STK35: variants seen among roughly 807,000 people sequenced by gnomAD.
STK35 encodes serine/threonine-protein kinase 35.
Under a neutral mutation model 37.3 loss-of-function variants are expected in STK35, and 17 were observed. That is an observed-to-expected ratio of 0.46 (90% CI 0.31 to 0.68). The LOEUF is 0.68. STK35 is among the 30% of genes least tolerant of loss of function. The probability of loss-of-function intolerance (pLI) is 0.05; values close to 1 mark genes in which losing one functional copy is unlikely to be tolerated. For missense variants in STK35, 595 were observed against 746.7 expected (o/e 0.80, Z 2.37); for synonymous variants, 385 against 319.1 (o/e 1.21, Z -2.20).
chr20:2,107,469 C>T (rs1216568263), intron 2 of STK35, among the ~76,000 whole-genome samples: 2 of 152,180 alleles, frequency 1.3e-5, no homozygotes, highest in Admixed American at 1.3e-4. Flanking sequence ...TGGCTTTGAG[C>T]CAGGCTACTA....
At chr20:2,113,121 G>A (rs1383406030) in intron 2 of STK35, among the ~76,000 whole-genome samples, 1 of 151,996 alleles carries the variant, frequency 6.6e-6, no homozygotes, top group Non-Finnish European at 1.5e-5. Context: ...GTGTCTTTTT[G>A]GAACTTGTGT....
intron 3 of STK35, among the ~76,000 whole-genome samples, chr20:2,140,324 A>T (rs1232134091): frequency 6.6e-6 from 1 of 152,086 alleles, no homozygotes; most frequent in Non-Finnish European, 1.5e-5. Context: ...GCAGTCAGGG[A>T]GCTGAGATGT....
chr20:2,115,897 C>A (rs192355301), intron 2 of STK35, among the ~76,000 whole-genome samples: 6 of 152,116 alleles, frequency 3.9e-5, no homozygotes, highest in Admixed American at 3.9e-4. Context: ...CCACTCCTGC[C>A]CCCCCCTTCA....
chr20:2,125,641 C>T lies in STK35; in HGVS notation c.*37+8226C>T, dbSNP rs530735882. On this transcript the variant is annotated intron_variant, in intron 3 of 3. Transcript: ENST00000381482. ...TCACAGTCTGACACTGGTTTCAGCA[C>T]AGGCACACTGTGGCAGGGCCACCAG... Among the ~76,000 whole-genome samples the T allele has an allele frequency of 1.6e-4, 25 of 152,352 alleles. No homozygotes were observed. The South Asian group carries it at 5.0e-3, about 30-fold the overall frequency.
chr20:2,133,718 C>A (rs1383698688), intron 3 of STK35, among the ~76,000 whole-genome samples: 1 of 152,218 alleles, frequency 6.6e-6, no homozygotes, highest in Non-Finnish European at 1.5e-5. Context: ...CCTACTGTTT[C>A]TCTGTGTGCA....
At chr20:2,106,104 T>A (rs1033194096) in intron 2 of STK35, among the ~76,000 whole-genome samples, 3 of 152,198 alleles carry the variant, frequency 2.0e-5, no homozygotes, top group Admixed American at 1.3e-4. Context: ...TAGGTAATCA[T>A]TTTTGCTTCT....
At chr20:2,130,624 C>T (rs1324870977) in intron 3 of STK35, among the ~76,000 whole-genome samples, 2 of 152,122 alleles carry the variant, frequency 1.3e-5, no homozygotes, top group South Asian at 4.1e-4. Flanking sequence ...ACATCAGAGT[C>T]ATGATTGCTG....
intron 3 of STK35, among the ~76,000 whole-genome samples, chr20:2,129,144 G>A (rs565113631): frequency 1.3e-5 from 2 of 152,156 alleles, no homozygotes; most frequent in Non-Finnish European, 2.9e-5. Flanking sequence ...TCTTAAACAT[G>A]ACTTTGAATT....
At chr20:2,138,937 G>A (rs932245649) in intron 3 of STK35, among the ~76,000 whole-genome samples, 3 of 152,320 alleles carry the variant, frequency 2.0e-5, no homozygotes, top group East Asian at 1.9e-4. Flanking sequence ...TGAGGCAGGA[G>A]GGTTGTTGAG....
chr20:2,121,450 G>A (rs1600608756), intron 3 of STK35, among the ~76,000 whole-genome samples: 2 of 152,156 alleles, frequency 1.3e-5, no homozygotes, highest in South Asian at 4.1e-4. Context: ...GAAGAATAGA[G>A]CTGCCATTAA....
intron 3 of STK35, among the ~76,000 whole-genome samples, chr20:2,123,106 C>T (rs2122562434): frequency 6.6e-6 from 1 of 152,304 alleles, no homozygotes; most frequent in South Asian, 2.1e-4. Flanking sequence ...AGGGAATCTG[C>T]ATTCATGGCC....
At chr20:2,108,747 C>T (rs1346883379) in intron 2 of STK35, among the ~76,000 whole-genome samples, 1 of 152,056 alleles carries the variant, frequency 6.6e-6, no homozygotes, top group African/African-American at 2.4e-5. Flanking sequence ...CAGAAGCAGC[C>T]CTTCCTTAAT....
intron 3 of STK35, among the ~76,000 whole-genome samples, chr20:2,121,710 A>G (rs928847228): frequency 6.6e-6 from 1 of 152,182 alleles, no homozygotes; most frequent in Non-Finnish European, 1.5e-5. Flanking sequence ...GAGGATGGGA[A>G]GAAAGAAAGG....
intron 2 of STK35, among the ~76,000 whole-genome samples, chr20:2,114,382 T>C (rs1228106020): frequency 6.6e-6 from 1 of 152,132 alleles, no homozygotes; most frequent in African/African-American, 2.4e-5. Context: ...AGTTGGAGGC[T>C]ACTGTGAGCT....
intron 3 of STK35, among the ~76,000 whole-genome samples, chr20:2,128,108 T>C (rs1985937521): frequency 6.6e-6 from 1 of 152,142 alleles, no homozygotes; most frequent in Non-Finnish European, 1.5e-5. Context: ...TAGAAACACG[T>C]ATTTCTGGCT....
Position 2,104,035 on chromosome 20 carries a change from C to T in STK35, c.892+670C>T, listed in dbSNP as rs1985465081. On this transcript the variant is annotated intron_variant, in intron 2 of 3. Coordinates refer to ENST00000381482, the MANE Select transcript of STK35 (RefSeq NM_080836.4). ...TCCGGCATCTTTTCCCTCCGTTTTA[C>T]ATTCTTAATCTTTTTCTTAACCTCA... Among the ~76,000 whole-genome samples the T allele has an allele frequency of 2.0e-5, 3 of 152,220 alleles. No homozygotes were observed. In the South Asian group the frequency reaches 6.2e-4, roughly 31 times the overall value.
chr20:2,121,902 A>G (rs1461399893), intron 3 of STK35, among the ~76,000 whole-genome samples: 1 of 152,174 alleles, frequency 6.6e-6, no homozygotes, highest in Non-Finnish European at 1.5e-5. Flanking sequence ...GGGGAAGAGG[A>G]GAGGAATTGG....
In STK35 at chr20:2,116,713, G is replaced by A. The variant is rs1985723366; in HGVS notation, c.940G>A (p.Val314Ile). The A allele has an allele frequency of 6.2e-7, 1 of 1,614,100 alleles. No homozygotes were observed. Among genetic ancestry groups the A allele is most frequent in the South Asian group, 1.1e-5 (1 of 91,088 alleles). ...YAEEPCYLWF[V>I]MEFCEGGDLN... ...TGAGGAGCCCTGCTATCTCTGGTTT[G>A]TCATGGAGTTCTGTGAAGGTGGAGA... Residue 314 changes from valine (V) to isoleucine (I), a missense_variant, in exon 3 of 4, where the codon GTC becomes ATC. Transcript: ENST00000381482.
intron 2 of STK35, among the ~76,000 whole-genome samples, chr20:2,115,515 C>G (rs1600604297): frequency 6.6e-6 from 1 of 152,118 alleles, no homozygotes; most frequent in Non-Finnish European, 1.5e-5. Context: ...CTCTCCTCAT[C>G]AGTGAGATAA....
Sources: allele counts gnomAD v4.1 joint callset (sites outside exome capture counted in the v4.1 genomes callset), GRCh38; gene constraint gnomAD v4.1.1; transcripts MANE v1.5; gene names NCBI Gene and HGNC (gene_info 2026-07-23, HGNC 2026-07-21).